Variants in CENPS observed in about 807,000 individuals in gnomAD.
The protein encoded by CENPS is FANCM associated histone fold protein 1.
In CENPS, 16 loss-of-function variants were observed where a neutral mutation model predicts 17.9. The ratio of observed to expected loss-of-function variants is 0.90; its 90% confidence interval spans 0.61 to 1.36. CENPS has a LOEUF of 1.36. Among genes scored for constraint, CENPS ranks in the 40% most tolerant of loss-of-function variants. The pLI, the probability that CENPS is intolerant of heterozygous loss-of-function variation, is 0.00. For missense variants in CENPS, 160 were observed against 158.6 expected, an observed-to-expected ratio of 1.01 and a Z score of -0.05; for synonymous variants, 49 against 55.8, an observed-to-expected ratio of 0.88 and a Z score of 0.54.
At chr1:10,438,460 T>C (rs1640270088) in intron 3 of CENPS, among the ~76,000 whole-genome samples, 1 of 152,234 alleles carries the variant, frequency 6.6e-6, no homozygotes, top group South Asian at 2.1e-4. Context: ...TGTGAATTTC[T>C]TTATTTAGCT....
chr1:10,430,631 A>C (rs1639858222), intron 1 of CENPS, 63 bp downstream of exon 1: 1 of 1,495,896 alleles, frequency 6.7e-7, no homozygotes, highest in South Asian at 1.3e-5. Flanking sequence ...TGGACAGAAA[A>C]GTACCCGGCA....
intron 3 of CENPS, 116 bp from the exon 4 acceptor site, chr1:10,440,231 G>A: frequency 1.5e-6 from 2 of 1,353,976 alleles, no homozygotes; most frequent in Non-Finnish European, 9.9e-7. Flanking sequence ...TTATCTAAAA[G>A]GATGGGCTAC....
At chr1:10,434,308 G>A (rs1640052813) in intron 2 of CENPS, among the ~76,000 whole-genome samples, 1 of 152,126 alleles carries the variant, frequency 6.6e-6, no homozygotes, top group African/African-American at 2.4e-5. Context: ...TGAGCTTGTA[G>A]CATTGGTATT....
intron 2 of CENPS, 117 bp from the exon 3 acceptor site, chr1:10,434,540 G>A: frequency 6.8e-7 from 1 of 1,463,534 alleles, no homozygotes; most frequent in East Asian, 2.5e-5. Context: ...CCTTTAAGAG[G>A]GTTTGTTATA....
chr1:10,440,264 A>G, intron 3 of CENPS, 83 bp from the exon 4 acceptor site: 3 of 1,540,754 alleles, frequency 1.9e-6, no homozygotes, highest in Non-Finnish European at 2.6e-6. Flanking sequence ...GCTAGTTTGA[A>G]GTCTGACCGT....
chr1:10,435,212 T>G (rs1023816510), intron 3 of CENPS, among the ~76,000 whole-genome samples: 1 of 152,162 alleles, frequency 6.6e-6, no homozygotes, highest in African/African-American at 2.4e-5. Flanking sequence ...AGCCTCAGCT[T>G]TTACAGGTGA....
intron 3 of CENPS, among the ~76,000 whole-genome samples, chr1:10,438,690 G>C (rs72867497): frequency 9.9e-4 from 151 of 152,286 alleles, no homozygotes; most frequent in African/African-American, 3.5e-3. Context: ...GTGGCGGGCA[G>C]AGGATGCCCT....
At chr1:10,434,024 G>GGA in intron 2 of CENPS, 59 bp downstream of exon 2, 2 of 1,608,646 alleles carry the variant, frequency 1.2e-6, no homozygotes, top group Non-Finnish European at 8.5e-7. Context: ...ATTTCACCTG[G>GGA]GAGCAGTGCG....
Position 10,433,900 on chromosome 1 carries a change from A to T in CENPS, c.110A>T (p.Asp37Val), listed in dbSNP as rs1385839003. Residue 37 changes from aspartate to valine, a missense_variant, in exon 2 of 5, where the codon GAC becomes GTC. Transcript: ENST00000309048. The stretch of plus-strand genomic sequence containing the variant: ...TGTCTTTGCGAGGAAGTTGCATTGG[A>T]CAAAGAGATGCAGTTCAGCAAACAG... Reference protein sequence around the residue: ...VGCLCEEVALDKEMQFSKQTI... With the variant: ...VGCLCEEVALVKEMQFSKQTI... The T allele has an allele frequency of 6.2e-7, 1 of 1,614,198 alleles. No individual in the cohort carries two copies. Among genetic ancestry groups the T allele is most frequent in the East Asian group, 2.2e-5 (1 of 44,888 alleles).
chr1:10,433,713 A>T (rs1027375319), intron 1 of CENPS, 129 bp from the exon 2 acceptor site: 25 of 1,501,008 alleles, frequency 1.7e-5, no homozygotes, highest in Middle Eastern at 1.8e-4. Context: ...TTGAAAAGCC[A>T]CTCAGCCATT....
chr1:10,431,369 A>G, intron 1 of CENPS: 1 of 1,535,392 alleles, frequency 6.5e-7, no homozygotes. Context: ...TCTTTTGAGA[A>G]GTTCAAACCT....
Position 10,433,978 on chromosome 1 carries a change from G to C in CENPS, c.175+13G>C. 6.2e-7 allele frequency: 1 copy of C among 1,613,926 alleles called. No homozygotes were observed. The highest frequency in any genetic ancestry group is 8.5e-7 in the Non-Finnish European group (1 of 1,179,938). ...TTCCGACAGTGTGGTATGAAGCTTC[G>C]GCCTCCCCAGCCATGTCTGTAAACC... On this transcript the variant is annotated intron_variant, in intron 2 of 4. Coordinates refer to ENST00000309048, the MANE Select transcript of CENPS (RefSeq NM_199294.3).
chr1:10,440,490 A>C, intron 4 of CENPS, 77 bp downstream of exon 4: 1 of 1,572,116 alleles, frequency 6.4e-7, no homozygotes, highest in Non-Finnish European at 8.6e-7. Context: ...TGAAGCCATG[A>C]AGTTATTCCC....
chr1:10,442,157 A>G (rs1640444319), intron 4 of CENPS, 108 bp from the exon 5 acceptor site: 4 of 1,379,852 alleles, frequency 2.9e-6, no homozygotes, highest in Non-Finnish European at 9.5e-7. Context: ...TTTCTACCCA[A>G]ATTCTTTGAG....
chr1:10,442,243 A>C, intron 4 of CENPS, 22 bp from the exon 5 acceptor site: 1 of 1,495,822 alleles, frequency 6.7e-7, no homozygotes, highest in South Asian at 1.2e-5. Flanking sequence ...GCCAGATATA[A>C]ATACAGATTT....
rs1004087355 is a variant in CENPS at position 10,442,138 on chromosome 1, G to A, written c.277-127G>A. On this transcript the variant is annotated intron_variant, in intron 4 of 4. Coordinates refer to ENST00000309048, the MANE Select transcript of CENPS (RefSeq NM_199294.3). Reference sequence around the variant, plus strand: ...TTTAATTCTTAGAAATGTAACCCAGGCTTTGGCTTTTCTACCCAAATTCTT... The same window carrying A: ...TTTAATTCTTAGAAATGTAACCCAGACTTTGGCTTTTCTACCCAAATTCTT... 2.4e-6 allele frequency: 3 copies of A among 1,232,746 alleles called. No individual in the cohort carries two copies. In the East Asian group the frequency reaches 8.7e-5, roughly 36 times the overall value. The allele number at this position is 1,232,746 out of a possible 1,614,324, so 76.4% of individuals were successfully genotyped here.
chr1:10,440,444 T>A, intron 4 of CENPS, 31 bp downstream of exon 4: 1 of 1,611,386 alleles, frequency 6.2e-7, no homozygotes, highest in African/African-American at 1.3e-5. Flanking sequence ...CTCACTCCCC[T>A]TTCCCATCGG....
At position 10,434,078 on chromosome 1, in the gene CENPS, TATC is replaced by T. The variant is rs914848620; in HGVS notation, c.175+117_175+119del. ...AGTCTGACCAGCAGACCAAGAATAT[TATC>T]ATCCTCATGCGTTCTTCGTGAAACA... On this transcript the variant is annotated intron_variant, in intron 2 of 4. Coordinates refer to ENST00000309048, the MANE Select transcript of CENPS (RefSeq NM_199294.3). 3 of 1,540,374 alleles carry T rather than the reference TATC, an allele frequency of 1.9e-6. No individual in the cohort carries two copies. In the South Asian group the frequency reaches 3.7e-5, roughly 19 times the overall value.
rs369351068 is a variant in CENPS at position 10,434,329 on chromosome 1, C to A, written c.176-328C>A. 9.9e-5 allele frequency among the ~76,000 whole-genome samples: 15 copies of A among 152,236 alleles called. No homozygotes were observed. The East Asian group carries it at 2.7e-3, about 27-fold the overall frequency. ...TGTAGCATTGGTATTTGCTTGACTT[C>A]AGAGGGGAAATGAAAGACCTCACAA... On this transcript the variant is annotated intron_variant, in intron 2 of 4. Transcript: ENST00000309048.
Sources: allele counts gnomAD v4.1 joint callset (sites outside exome capture counted in the v4.1 genomes callset), GRCh38; gene constraint gnomAD v4.1.1; transcripts MANE v1.5; gene names NCBI Gene and HGNC (gene_info 2026-07-23, HGNC 2026-07-21).